The following HIVEP3 variants were observed in gnomAD, a reference collection of about 807,000 sequenced individuals.
HIVEP3 encodes the protein HIVEP zinc finger 3, also known as transcription factor HIVEP3.
Under a neutral mutation model 152.8 loss-of-function variants are expected in HIVEP3, and 49 were observed. The observed-to-expected ratio is 0.32, with a 90% confidence interval of 0.26 to 0.41. The LOEUF is 0.41. Ranked by LOEUF, HIVEP3 falls within the 10% of genes least tolerant of loss-of-function variation. HIVEP3 has a pLI of 1.00. For synonymous variants in HIVEP3, 1,269 were observed against 1,289.0 expected (o/e 0.98, Z 0.33); for missense variants, 2,790 against 3,103.3 (o/e 0.90, Z 2.40).
chr1:41,925,687 C>T (rs911176834), intron 1 of HIVEP3, among the ~76,000 whole-genome samples: 1 of 152,218 alleles, frequency 6.6e-6, no homozygotes, highest in South Asian at 2.1e-4. Flanking sequence ...CCTGTTCTGG[C>T]AGATACTGTT....
chr1:41,816,762 G>A (rs1429754358), intron 1 of HIVEP3, among the ~76,000 whole-genome samples: 4 of 152,174 alleles, frequency 2.6e-5, no homozygotes, highest in Non-Finnish European at 5.9e-5. Context: ...GTGTTTTTAT[G>A]TGTGGTTCTC....
At chr1:41,564,361 T>A (rs1460134602) in intron 5 of HIVEP3, among the ~76,000 whole-genome samples, 1 of 152,044 alleles carries the variant, frequency 6.6e-6, no homozygotes, top group Non-Finnish European at 1.5e-5. Flanking sequence ...ATAACAGCAG[T>A]TCCAGAGAGA....
intron 1 of HIVEP3, among the ~76,000 whole-genome samples, chr1:41,874,793 T>C (rs902526731): frequency 2.0e-5 from 3 of 152,192 alleles, no homozygotes; most frequent in East Asian, 1.9e-4. Context: ...GGGATTTAGT[T>C]AGCGGTCTCC....
rs1285065063 is a variant in HIVEP3 at position 41,533,134 on chromosome 1, G to A, written c.5208-8224C>T. 1.3e-5 allele frequency among the ~76,000 whole-genome samples: 2 copies of A among 152,144 alleles called. No individual in the cohort carries two copies. Among genetic ancestry groups the A allele is most frequent in the Non-Finnish European group, 2.9e-5 (2 of 68,030 alleles). ...GTCCTGGTTCAACGACCTGGAACCTGTGGCTCCTCTGCTCGTTGAAGGCCA... is the reference window on the plus strand; with the variant it reads ...GTCCTGGTTCAACGACCTGGAACCTATGGCTCCTCTGCTCGTTGAAGGCCA... On this transcript the variant is annotated intron_variant, in intron 5 of 8. Transcript: ENST00000372583. The surrounding 1 kb of genome is among the most constrained non-coding windows in gnomAD (Gnocchi z 4.3).
intron 1 of HIVEP3, among the ~76,000 whole-genome samples, chr1:41,707,510 C>G (rs1646452072): frequency 6.6e-6 from 1 of 152,198 alleles, no homozygotes; most frequent in South Asian, 2.1e-4. Context: ...AGTCCCCGTA[C>G]TGGGAAGGGT....
rs143291569 is a variant in HIVEP3 at position 41,580,669 on chromosome 1, C to T, written c.4129G>A (p.Gly1377Arg). 42 of 1,613,302 alleles carry T rather than the reference C, an allele frequency of 2.6e-5. No individual in the cohort carries two copies. The highest frequency in any genetic ancestry group is 3.3e-5 in the Non-Finnish European group (39 of 1,179,678). Residue 1377 changes from glycine to arginine, a missense_variant, in exon 4 of 9, where the codon GGG becomes AGG. Gly to Arg is a moderately radical substitution (Grantham distance 125). Around this residue, in one of 9 missense-constraint regions of HIVEP3, gnomAD observed 1,078 missense variants for 1,165.3 expected, o/e 0.93. Transcript: ENST00000372583. ...TCACTTAACCCAGAAGGGCCGGGCC[C>T]AACCTCATGCACATCTGCACCACAT... is the stretch of plus-strand genomic sequence containing the variant. ...TVCGADVHEVGPGPSGLSEEQ... is the reference protein window; with the variant it reads ...TVCGADVHEVRPGPSGLSEEQ...
chr1:41,643,906 T>TTTTTTTTTTTTG (rs1553242264), intron 2 of HIVEP3, among the ~76,000 whole-genome samples: 14 of 143,702 alleles, frequency 9.7e-5, no homozygotes, highest in East Asian at 4.3e-4. Flanking sequence ...TTTTTTTTTT[T>TTTTTTTTTTTTG]GACAGGGTCT....
chr1:41,821,933 T>A (rs1051529018), intron 1 of HIVEP3, among the ~76,000 whole-genome samples: 1 of 152,246 alleles, frequency 6.6e-6, no homozygotes, highest in African/African-American at 2.4e-5. Context: ...GGCATCAGGA[T>A]GCACAGGCCA....
In HIVEP3 at chr1:41,565,647, C is replaced by T. The variant is rs373940905; in HGVS notation, c.5207+9897G>A. On this transcript the variant is annotated intron_variant, in intron 5 of 8. Coordinates refer to ENST00000372583, the MANE Select transcript of HIVEP3 (RefSeq NM_024503.5). The stretch of plus-strand genomic sequence containing the variant: ...AGAGAGACAGAGAGAAGCCAGCTTC[C>T]TCCTGGGAGCCCAGCCTGATTCCCC... Among the ~76,000 whole-genome samples, 20 of 152,214 alleles carry T rather than the reference C, an allele frequency of 1.3e-4. No individual in the cohort carries two copies. The South Asian group carries it at 2.3e-3, about 17-fold the overall frequency.
At chr1:41,803,872 G>A (rs144831072) in intron 1 of HIVEP3, among the ~76,000 whole-genome samples, 1 of 152,290 alleles carries the variant, frequency 6.6e-6, no homozygotes, top group East Asian at 1.9e-4. Flanking sequence ...GGCACTGGGT[G>A]CATTTTTAAT....
intron 1 of HIVEP3, among the ~76,000 whole-genome samples, chr1:41,883,457 G>A (rs1644294084): frequency 6.6e-6 from 1 of 152,152 alleles, no homozygotes; most frequent in Non-Finnish European, 1.5e-5. Flanking sequence ...CTGACCTCCT[G>A]CTATGGACCA....
chr1:41,860,422 G>A (rs188807813), intron 1 of HIVEP3, among the ~76,000 whole-genome samples: 1 of 152,202 alleles, frequency 6.6e-6, no homozygotes, highest in African/African-American at 2.4e-5. Flanking sequence ...CTTTGCATTT[G>A]GCTTTGGTAC....
intron 8 of HIVEP3, among the ~76,000 whole-genome samples, chr1:41,512,060 A>C (rs1162603325): frequency 6.6e-6 from 1 of 152,294 alleles, no homozygotes; most frequent in African/African-American, 2.4e-5. Flanking sequence ...ATCTGCTCAA[A>C]GAACACAGGC....
intron 7 of HIVEP3, among the ~76,000 whole-genome samples, chr1:41,516,886 C>T (rs932505459): frequency 1.3e-5 from 2 of 152,276 alleles, no homozygotes; most frequent in African/African-American, 4.8e-5. Flanking sequence ...CCCCAGCCCT[C>T]ACTTGGCTCT....
At chr1:41,782,858 G>A (rs1289584088) in intron 1 of HIVEP3, among the ~76,000 whole-genome samples, 2 of 152,192 alleles carry the variant, frequency 1.3e-5, no homozygotes, top group Non-Finnish European at 2.9e-5. Context: ...GTTAAGCAAG[G>A]AAAATCTTAG....
chr1:41,718,155 A>C (rs546573969), intron 1 of HIVEP3, among the ~76,000 whole-genome samples: 46 of 152,346 alleles, frequency 3.0e-4, no homozygotes, highest in Non-Finnish European at 5.6e-4. Flanking sequence ...AGCCCATTTT[A>C]AAGAGGGGTG....
chr1:41,650,271 T>A (rs1213714589), intron 2 of HIVEP3, among the ~76,000 whole-genome samples: 1 of 152,010 alleles, frequency 6.6e-6, no homozygotes, highest in Non-Finnish European at 1.5e-5. Flanking sequence ...GGCAGACACG[T>A]GGGCGGTGAC....
intron 1 of HIVEP3, among the ~76,000 whole-genome samples, chr1:41,792,934 T>C (rs1649782013): frequency 6.6e-6 from 1 of 152,140 alleles, no homozygotes; most frequent in Admixed American, 6.5e-5. Flanking sequence ...TCAAGGGCAA[T>C]GGGATGAATA....
chr1:41,768,977 T>G (rs755850582), intron 1 of HIVEP3, among the ~76,000 whole-genome samples: 2 of 152,180 alleles, frequency 1.3e-5, no homozygotes, highest in Non-Finnish European at 2.9e-5. Context: ...AGTGGCCTTG[T>G]GATATTATGA....
Sources: gnomAD v4.1 joint callset for allele counts (sites outside exome capture counted in the v4.1 genomes callset) on GRCh38, gnomAD v4.1.1 for gene constraint, gnomAD v4.1.1 regional missense constraint, Gnocchi (gnomAD v3.1) non-coding constraint, MANE v1.5 for transcripts, NCBI Gene and HGNC (gene_info 2026-07-23, HGNC 2026-07-21) for gene names.